Variants in TAF2 observed in about 807,000 individuals in gnomAD.
TAF2 encodes TATA-box binding protein associated factor 2.
In TAF2, 61 loss-of-function variants were observed where a neutral mutation model predicts 138.5. The observed-to-expected ratio is 0.44, with a 90% CI of 0.36 to 0.54. The LOEUF is 0.54. TAF2 is among the 20% of genes least tolerant of loss of function. TAF2 has a pLI of 0.00. For synonymous variants in TAF2, 475 were observed against 469.9 expected, an observed-to-expected ratio of 1.01 and a Z score of -0.14; for missense variants, 1,090 against 1,427.9, an observed-to-expected ratio of 0.76 and a Z score of 3.81.
chr8:119,745,697 G>C (rs900776934), intron 23 of TAF2, among the ~76,000 whole-genome samples: 4 of 151,642 alleles, frequency 2.6e-5, no homozygotes, highest in African/African-American at 9.7e-5. Flanking sequence ...TTAAATTACA[G>C]TAAAATGATT....
At chr8:119,776,602 T>C (rs1044179492) in intron 18 of TAF2, among the ~76,000 whole-genome samples, 8 of 150,814 alleles carry the variant, frequency 5.3e-5, no homozygotes, top group Middle Eastern at 3.6e-3. Flanking sequence ...GGTAGGAGAA[T>C]GGCGTAAACC....
At chr8:119,801,660 C>G in intron 6 of TAF2, 134 bp downstream of exon 6, 1 of 792,402 alleles carries the variant, frequency 1.3e-6, no homozygotes, top group South Asian at 1.4e-5. Context: ...GATCTCCTGA[C>G]CCTGTGATCC....
At chr8:119,788,658 G>T in intron 13 of TAF2, 132 bp downstream of exon 13, 1 of 816,292 alleles carries the variant, frequency 1.2e-6, no homozygotes, top group East Asian at 2.7e-5. Context: ...CTTTGACAAA[G>T]TCAATGTTTT....
intron 18 of TAF2, among the ~76,000 whole-genome samples, chr8:119,764,902 A>T (rs1434373695): frequency 1.3e-5 from 2 of 152,132 alleles, no homozygotes; most frequent in Non-Finnish European, 2.9e-5. Context: ...GCCAAAATAA[A>T]CCAGCAGACT....
chr8:119,828,533 A>C (rs999985477), intron 2 of TAF2, among the ~76,000 whole-genome samples: 1 of 152,176 alleles, frequency 6.6e-6, no homozygotes, highest in African/African-American at 2.4e-5. Flanking sequence ...ATAAAGATAT[A>C]AACAGCAGTG....
At chr8:119,803,745 T>C in intron 5 of TAF2, 133 bp downstream of exon 5, 4 of 936,612 alleles carry the variant, frequency 4.3e-6, no homozygotes, top group Non-Finnish European at 4.6e-6. Context: ...TAACAGAAAG[T>C]AATTTGAAAG....
intron 18 of TAF2, among the ~76,000 whole-genome samples, chr8:119,771,599 A>G (rs2131095749): frequency 6.6e-6 from 1 of 152,318 alleles, no homozygotes; most frequent in Non-Finnish European, 1.5e-5. Flanking sequence ...AGAAAGAAAG[A>G]AGCAAAATGA....
intron 18 of TAF2, among the ~76,000 whole-genome samples, chr8:119,772,457 G>A (rs1292513363): frequency 2.6e-5 from 4 of 152,126 alleles, no homozygotes; most frequent in Non-Finnish European, 4.4e-5. Flanking sequence ...AAAGAGCGGA[G>A]GCTAGGAGGG....
chr8:119,758,169 T>C, intron 20 of TAF2, 27 bp from the exon 21 acceptor site: 1 of 1,558,650 alleles, frequency 6.4e-7, no homozygotes, highest in Non-Finnish European at 8.8e-7. Flanking sequence ...ATATATTTGT[T>C]GTTAATTATA....
At chr8:119,742,312 A>T (rs1819647505) in intron 25 of TAF2, among the ~76,000 whole-genome samples, 1 of 149,018 alleles carries the variant, frequency 6.7e-6, no homozygotes, top group Admixed American at 7.1e-5. Flanking sequence ...ATTTTCTTTT[A>T]TTTCCAAGTT....
At chr8:119,772,049 A>G (rs781370076) in intron 18 of TAF2, among the ~76,000 whole-genome samples, 11 of 152,210 alleles carry the variant, frequency 7.2e-5, no homozygotes, top group Non-Finnish European at 1.6e-4. Flanking sequence ...TCAAAACTAC[A>G]TGAGCAAATG....
At chr8:119,785,786 C>T (rs1192978070) in intron 14 of TAF2, among the ~76,000 whole-genome samples, 1 of 152,064 alleles carries the variant, frequency 6.6e-6, no homozygotes. Context: ...TTTATGTTAA[C>T]TGGGGAAGGG....
At chr8:119,783,338 A>C in intron 16 of TAF2, 43 bp downstream of exon 16, 2 of 1,587,568 alleles carry the variant, frequency 1.3e-6, no homozygotes, top group Non-Finnish European at 1.7e-6. Context: ...GATACAAAAA[A>C]TATATACAAT....
In TAF2 at chr8:119,828,295, G is replaced by A. The variant is rs117405993; in HGVS notation, c.138+3382C>T. On this transcript the variant is annotated intron_variant, in intron 2 of 25. Coordinates refer to ENST00000378164, the MANE Select transcript of TAF2 (RefSeq NM_003184.4). Reference sequence around the variant, plus strand: ...ACATAACCATGATTCCATTCCATTGGAAGTTGAGGCTGCCCCTTGACCACC... The same window carrying A: ...ACATAACCATGATTCCATTCCATTGAAAGTTGAGGCTGCCCCTTGACCACC... Among the ~76,000 whole-genome samples the A allele has an allele frequency of 7.0e-3, 1,069 of 152,292 alleles. 9 individuals carry two copies. Among genetic ancestry groups the A allele is most frequent in the Middle Eastern group, 0.017 (5 of 294 alleles).
Position 119,745,905 on chromosome 8 carries a change from GTCAT to G in TAF2, c.3108+796_3108+799del, listed in dbSNP as rs369545577. Among the ~76,000 whole-genome samples, 33 of 151,752 alleles carry G rather than the reference GTCAT, an allele frequency of 2.2e-4. No individual in the cohort carries two copies. In the East Asian group the frequency reaches 5.2e-3, roughly 24 times the overall value. On this transcript the variant is annotated intron_variant, in intron 23 of 25. Transcript: ENST00000378164. ...AATCAGCAGATTATTAATTTACCTA[GTCAT>G]TCATTCATTCATTATTTATTTCATT...
chr8:119,795,819 A>C (rs1045916918), intron 8 of TAF2, among the ~76,000 whole-genome samples, 188 bp from the exon 9 acceptor site: 1 of 151,986 alleles, frequency 6.6e-6, no homozygotes, highest in African/African-American at 2.4e-5. Flanking sequence ...TACCTTATTC[A>C]CACCTGCCTT....
At chr8:119,753,799 A>G (rs1334642387) in intron 22 of TAF2, among the ~76,000 whole-genome samples, 1 of 152,192 alleles carries the variant, frequency 6.6e-6, no homozygotes, top group Non-Finnish European at 1.5e-5. Context: ...ATATTTCACT[A>G]TGCTTTCTTC....
intron 3 of TAF2, among the ~76,000 whole-genome samples, chr8:119,809,585 G>C (rs748053211): frequency 6.6e-6 from 1 of 152,074 alleles, no homozygotes; most frequent in African/African-American, 2.4e-5. Flanking sequence ...ATAGCTTTTG[G>C]TTTAAAGTGT....
At chr8:119,768,700 G>A (rs993426722) in intron 18 of TAF2, among the ~76,000 whole-genome samples, 1 of 152,220 alleles carries the variant, frequency 6.6e-6, no homozygotes, top group Non-Finnish European at 1.5e-5. Flanking sequence ...GGCTGACCCA[G>A]CCAGCTGACA....
Sources: allele counts gnomAD v4.1 joint callset (sites outside exome capture counted in the v4.1 genomes callset), GRCh38; gene constraint gnomAD v4.1.1; transcripts MANE v1.5; gene names NCBI Gene and HGNC (gene_info 2026-07-23, HGNC 2026-07-21).